The following RFC3 variants were observed in gnomAD, a reference collection of about 807,000 sequenced individuals.
The protein encoded by RFC3 is A1 38 kDa subunit.
In RFC3, 41 loss-of-function variants were observed where a neutral mutation model predicts 45.1. The observed-to-expected ratio is 0.91, with a 90% CI of 0.71 to 1.18. The LOEUF (loss-of-function observed/expected upper bound fraction) is 1.18. Among genes scored for constraint, RFC3 ranks in the 50% most tolerant of loss-of-function variants. The pLI is 0.00. For missense variants in RFC3, 423 were observed against 428.1 expected (o/e 0.99, Z 0.10); for synonymous variants, 149 against 144.0 (o/e 1.03, Z -0.25).
At chr13:33,906,700 T>C (rs538295191) in intron 8 of RFC3, among the ~76,000 whole-genome samples, 1 of 152,272 alleles carries the variant, frequency 6.6e-6, no homozygotes, top group South Asian at 2.1e-4. Flanking sequence ...ATCTAAAATA[T>C]TCATTTTGAA....
intron 8 of RFC3, among the ~76,000 whole-genome samples, chr13:33,869,415 G>A (rs181843572): frequency 1.2e-3 from 178 of 146,512 alleles, no homozygotes; most frequent in Admixed American, 3.2e-3. Context: ...TAGGGGTAGG[G>A]GGCATGATTG....
rs147759008 is a variant in RFC3, at chr13:33,862,822, C to G, written c.879+27605C>G. On this transcript the variant is annotated intron_variant, in intron 8 of 8. Coordinates refer to the RFC3 transcript ENST00000434425. ...ATACAAGGAGAAGGAAAATCAGGAT[C>G]TAAAAATATAATGAGGGTTGCTGTT... is the stretch of plus-strand genomic sequence containing the variant. 5.5e-3 allele frequency among the ~76,000 whole-genome samples: 841 copies of G among 152,232 alleles called. 5 individuals are homozygous for G. The highest frequency in any genetic ancestry group is 0.019 in the African/African-American group (785 of 41,560).
intron 8 of RFC3, among the ~76,000 whole-genome samples, chr13:33,965,844 T>TA (rs1282875331): frequency 1.3e-5 from 2 of 152,196 alleles, no homozygotes; most frequent in African/African-American, 4.8e-5. Flanking sequence ...GTCCTTGACA[T>TA]ATGCCCTCAG....
chr13:33,936,051 G>C (rs778032514), intron 8 of RFC3, among the ~76,000 whole-genome samples: 3 of 152,172 alleles, frequency 2.0e-5, no homozygotes, highest in Non-Finnish European at 4.4e-5. Context: ...TATGACAGGT[G>C]CAGTGTGTGC....
intron 8 of RFC3, chr13:33,850,167 G>C (rs920026409): frequency 6.6e-6 from 1 of 152,022 alleles, no homozygotes; most frequent in East Asian, 1.9e-4. Context: ...TTTTACATAG[G>C]TATGCATTTT....
intron 8 of RFC3, among the ~76,000 whole-genome samples, chr13:33,898,076 C>G (rs1158723820): frequency 6.6e-6 from 1 of 151,998 alleles, no homozygotes; most frequent in South Asian, 2.1e-4. Context: ...TAACACCCCA[C>G]TGTAATAATG....
At chr13:33,833,800 G>T (rs1258817364) in intron 7 of RFC3, among the ~76,000 whole-genome samples, 1 of 152,136 alleles carries the variant, frequency 6.6e-6, no homozygotes, top group Non-Finnish European at 1.5e-5. Flanking sequence ...AGTCAGGCCT[G>T]AATTCAAATG....
rs574133248 is a variant in RFC3 at position 33,869,446 on chromosome 13, C to CT, written c.879+34236dup. Among the ~76,000 whole-genome samples the CT allele has an allele frequency of 1.3e-4, 20 of 151,024 alleles. 1 individual carries two copies. The South Asian group carries it at 2.7e-3, about 21-fold the overall frequency. On this transcript the variant is annotated intron_variant, in intron 8 of 8. Coordinates refer to the RFC3 transcript ENST00000434425. Reference sequence around the variant, plus strand: ...GATTGTTGTTTTGTTTACTCAACTGCTTTTTTTCACAGAAGAAACTAAAAA... The same window carrying CT: ...GATTGTTGTTTTGTTTACTCAACTGCTTTTTTTTCACAGAAGAAACTAAAAA...
chr13:33,869,011 G>A (rs80228285), intron 8 of RFC3, among the ~76,000 whole-genome samples: 1 of 152,354 alleles, frequency 6.6e-6, no homozygotes, highest in Non-Finnish European at 1.5e-5. Context: ...GTGGAATCCA[G>A]CAAGGGCAGT....
At chr13:33,921,301 C>T (rs544906107) in intron 8 of RFC3, among the ~76,000 whole-genome samples, 9 of 152,230 alleles carry the variant, frequency 5.9e-5, no homozygotes, top group Middle Eastern at 3.4e-3. Flanking sequence ...TTAGTGGCTC[C>T]GTAAGTGGAG....
Position 33,959,760 on chromosome 13 carries a change from T to C in RFC3, c.880-6327T>C, listed in dbSNP as rs564586581. On this transcript the variant is annotated intron_variant, in intron 8 of 8. Transcript: ENST00000434425. Reference sequence around the variant, plus strand: ...TTTATACCTTGCACCCATTTCCTGTTTTTTGTCAACCTAGGCTAACTGTGT... The same window carrying C: ...TTTATACCTTGCACCCATTTCCTGTCTTTTGTCAACCTAGGCTAACTGTGT... 1.4e-3 allele frequency among the ~76,000 whole-genome samples: 210 copies of C among 152,258 alleles called. 2 individuals carry two copies. The highest frequency in any genetic ancestry group is 2.2e-3 in the Admixed American group (34 of 15,284).
rs374800205 is a variant in RFC3, at chr13:33,857,068, AG to A, written c.879+21852del. On this transcript the variant is annotated intron_variant, in intron 8 of 8. Coordinates refer to the RFC3 transcript ENST00000434425. ...GCAAGAGAATTTTATTTCAAACTTT[AG>A]TACTTTTAGATTTTCATGTCTTTGA... Among the ~76,000 whole-genome samples the A allele has an allele frequency of 1.8e-3, 267 of 152,336 alleles. 1 individual carries two copies. The highest frequency in any genetic ancestry group is 5.8e-3 in the African/African-American group (243 of 41,582).
At chr13:33,921,770 C>T (rs976338730) in intron 8 of RFC3, among the ~76,000 whole-genome samples, 4 of 152,090 alleles carry the variant, frequency 2.6e-5, no homozygotes, top group Non-Finnish European at 5.9e-5. Flanking sequence ...TTATCTCTTC[C>T]TCCAGACTTC....
At chr13:33,967,681 T>C (rs2137880984), downstream of RFC3, among the ~76,000 whole-genome samples, 1 of 151,888 alleles carries the variant, frequency 6.6e-6, no homozygotes, top group Admixed American at 6.6e-5. Flanking sequence ...AGAGATGGGG[T>C]TTCACCATGT....
chr13:33,843,508 AC>A (rs1305720538), intron 8 of RFC3, among the ~76,000 whole-genome samples: 8 of 152,318 alleles, frequency 5.3e-5, no homozygotes, highest in African/African-American at 1.9e-4. Flanking sequence ...AACTTAAGCA[AC>A]TTCCTGAAGA....
At chr13:33,969,699 A>G (rs58475115), downstream of RFC3, among the ~76,000 whole-genome samples, 659 of 152,162 alleles carry the variant, frequency 4.3e-3, 7 homozygotes, top group African/African-American at 0.015. Context: ...TCCAAATTCT[A>G]TTTGTTCTGG....
intron 8 of RFC3, chr13:33,850,254 A>G (rs922765343): frequency 6.6e-6 from 1 of 152,138 alleles, no homozygotes; most frequent in African/African-American, 2.4e-5. Context: ...AGAAAAATAA[A>G]CTTTCTAATA....
chr13:33,889,932 A>G (rs187542999), intron 8 of RFC3, among the ~76,000 whole-genome samples: 1 of 152,204 alleles, frequency 6.6e-6, no homozygotes, highest in Non-Finnish European at 1.5e-5. Context: ...CTGGAGAACA[A>G]AGACATTTTG....
chr13:33,889,379 T>G (rs1349483953), intron 8 of RFC3, among the ~76,000 whole-genome samples: 1 of 152,232 alleles, frequency 6.6e-6, no homozygotes, highest in African/African-American at 2.4e-5. Context: ...AATTGAAAAT[T>G]TAGTAAACAA....
Sources: allele counts gnomAD v4.1 joint callset (sites outside exome capture counted in the v4.1 genomes callset), GRCh38; gene constraint gnomAD v4.1.1; transcripts MANE v1.5; gene names NCBI Gene and HGNC (gene_info 2026-07-23, HGNC 2026-07-21).